Variants in AFG2A observed in about 807,000 individuals in gnomAD.
AFG2A encodes the protein AAA ATPase AFG2A.
the AFG2A span, among the ~76,000 whole-genome samples, chr4:123,157,123 C>A: frequency 6.6e-6 from 1 of 151,904 alleles, no homozygotes; most frequent in Non-Finnish European, 1.5e-5. Context: ...TCAAGCAATT[C>A]TCCTGTCTCA....
At chr4:123,229,687 A>G in the AFG2A span, among the ~76,000 whole-genome samples, 1 of 151,992 alleles carries the variant, frequency 6.6e-6, no homozygotes, top group Non-Finnish European at 1.5e-5. Context: ...GATGATGGAA[A>G]TGCCGTTTCC....
At chr4:123,081,064 A>G in the AFG2A span, among the ~76,000 whole-genome samples, 3 of 152,086 alleles carry the variant, frequency 2.0e-5, no homozygotes, top group Admixed American at 2.0e-4. Context: ...CCTGTGGGAG[A>G]GTGATACATT....
At chr4:123,068,324 C>T in the AFG2A span, among the ~76,000 whole-genome samples, 2 of 152,116 alleles carry the variant, frequency 1.3e-5, no homozygotes, top group Admixed American at 6.5e-5. Context: ...TTTCAATGAT[C>T]TGTGGAAATA....
the AFG2A span, among the ~76,000 whole-genome samples, chr4:123,115,414 G>C: frequency 3.3e-5 from 5 of 152,110 alleles, no homozygotes; most frequent in African/African-American, 1.2e-4. Flanking sequence ...TGCGGCGACA[G>C]AGTCGCTTGC....
the AFG2A span, among the ~76,000 whole-genome samples, chr4:123,001,820 C>T: frequency 6.6e-6 from 1 of 151,260 alleles, no homozygotes; most frequent in Non-Finnish European, 1.5e-5. Context: ...TCTATTAGGT[C>T]TGCTTGGTGC....
the AFG2A span, among the ~76,000 whole-genome samples, chr4:123,261,612 A>T: frequency 1.3e-5 from 2 of 152,152 alleles, no homozygotes; most frequent in East Asian, 3.9e-4. Context: ...CCTGGAACCA[A>T]TTGCCCTTGG....
the AFG2A span, among the ~76,000 whole-genome samples, chr4:123,219,037 G>A: frequency 2.0e-5 from 3 of 152,332 alleles, no homozygotes; most frequent in Non-Finnish European, 4.4e-5. Context: ...ATAACACTGT[G>A]AAGTCCCATG....
the AFG2A span, among the ~76,000 whole-genome samples, chr4:123,122,680 T>G: frequency 6.6e-6 from 1 of 152,164 alleles, no homozygotes; most frequent in Admixed American, 6.5e-5. Flanking sequence ...GATAAACTGT[T>G]CTTTCTATTC....
chr4:123,299,339 G>C, the AFG2A span, among the ~76,000 whole-genome samples: 9 of 152,144 alleles, frequency 5.9e-5, no homozygotes, highest in African/African-American at 2.2e-4. Context: ...TTCATTTCCA[G>C]TTAGTTGCCA....
At chr4:122,985,472 G>A in the AFG2A span, among the ~76,000 whole-genome samples, 12 of 152,086 alleles carry the variant, frequency 7.9e-5, no homozygotes, top group Non-Finnish European at 1.6e-4. Flanking sequence ...GTTGTTATTG[G>A]TCTGTTCAGG....
At chr4:122,932,911 G>A in the AFG2A span, among the ~76,000 whole-genome samples, 1 of 152,206 alleles carries the variant, frequency 6.6e-6, no homozygotes, top group Non-Finnish European at 1.5e-5. Context: ...ATTAATTAGA[G>A]TCTTTCTCCA....
the AFG2A span, among the ~76,000 whole-genome samples, chr4:123,274,235 T>A: frequency 6.6e-6 from 1 of 152,128 alleles, no homozygotes; most frequent in Non-Finnish European, 1.5e-5. Flanking sequence ...AGCTTTGGAA[T>A]CTTCAGAGTG....
At chr4:123,050,294 A>G in the AFG2A span, among the ~76,000 whole-genome samples, 1 of 152,154 alleles carries the variant, frequency 6.6e-6, no homozygotes, top group African/African-American at 2.4e-5. Flanking sequence ...GTTAGATGAA[A>G]TGTTCCGTAA....
At chr4:123,280,869 A>T in the AFG2A span, among the ~76,000 whole-genome samples, 3 of 152,168 alleles carry the variant, frequency 2.0e-5, no homozygotes, top group Non-Finnish European at 4.4e-5. Context: ...GGGGTGGGGC[A>T]TTATTCTGTC....
At chr4:123,241,431 A>G in the AFG2A span, among the ~76,000 whole-genome samples, 1 of 152,238 alleles carries the variant, frequency 6.6e-6, no homozygotes, top group Non-Finnish European at 1.5e-5. Context: ...AAGCTTATCC[A>G]CTATGATCAA....
the AFG2A span, among the ~76,000 whole-genome samples, chr4:123,119,007 G>C: frequency 6.6e-6 from 1 of 152,002 alleles, no homozygotes; most frequent in Non-Finnish European, 1.5e-5. Context: ...CTATCAAGTA[G>C]AGTGATAACT....
At chr4:123,079,873 C>T in the AFG2A span, among the ~76,000 whole-genome samples, 2 of 151,350 alleles carry the variant, frequency 1.3e-5, no homozygotes, top group Non-Finnish European at 2.9e-5. Flanking sequence ...CCTCAGCCTC[C>T]CGAGTAGCTG....
chr4:122,927,548 T>A, the AFG2A span: 3 of 1,348,344 alleles, frequency 2.2e-6, no homozygotes, highest in African/African-American at 4.4e-5. Flanking sequence ...GTTATATGGT[T>A]AGAGTATTTT....
the AFG2A span, among the ~76,000 whole-genome samples, chr4:123,043,620 A>G: frequency 6.6e-6 from 1 of 152,298 alleles, no homozygotes; most frequent in African/African-American, 2.4e-5. Context: ...AATTAATCAT[A>G]TCAGTGTTAT....
Sources: allele counts gnomAD v4.1 joint callset (sites outside exome capture counted in the v4.1 genomes callset), GRCh38; gene constraint gnomAD v4.1.1; transcripts MANE v1.5; gene names NCBI Gene and HGNC (gene_info 2026-07-23, HGNC 2026-07-21).